The following HS6ST3 variants were observed in gnomAD, a reference collection of about 807,000 sequenced individuals.
The protein encoded by HS6ST3 is heparan sulfate 6-O-sulfotransferase 3.
In HS6ST3, 12 loss-of-function variants were observed where a neutral mutation model predicts 36.7. The observed-to-expected ratio is 0.33, with a 90% CI of 0.21 to 0.53. The LOEUF is 0.53. HS6ST3 is among the 20% of genes least tolerant of loss of function. HS6ST3 has a pLI of 0.95. For synonymous variants in HS6ST3, 240 were observed against 257.5 expected (o/e 0.93, Z 0.65); for missense variants, 584 against 640.9 (o/e 0.91, Z 0.96).
At chr13:96,183,974 G>A (rs1314767995) in intron 1 of HS6ST3, among the ~76,000 whole-genome samples, 2 of 152,192 alleles carry the variant, frequency 1.3e-5, no homozygotes, top group East Asian at 1.9e-4. Flanking sequence ...AGGCTGAGGT[G>A]GGCGGATCAT....
rs117373311 is a variant in HS6ST3 at position 96,634,984 on chromosome 13, A to G, written c.708-197506A>G. Among the ~76,000 whole-genome samples, 452 of 152,200 alleles carry G rather than the reference A, an allele frequency of 3.0e-3. 2 individuals are homozygous for G. The highest frequency in any genetic ancestry group is 4.0e-3 in the Admixed American group (61 of 15,286). On this transcript the variant is annotated intron_variant, in intron 1 of 1. Transcript: ENST00000376705. ...TTCAAGCCACTCACTTCCCATGTCT[A>G]ACCAAGGACAATGTCATTCCCATTC...
chr13:96,542,705 C>T (rs1013598774), intron 1 of HS6ST3, among the ~76,000 whole-genome samples: 2 of 152,178 alleles, frequency 1.3e-5, no homozygotes, highest in African/African-American at 4.8e-5. Context: ...CCTTTTGCTG[C>T]TCACATGACC....
At chr13:96,360,758 C>A (rs574538892) in intron 1 of HS6ST3, among the ~76,000 whole-genome samples, 1 of 151,766 alleles carries the variant, frequency 6.6e-6, no homozygotes, top group African/African-American at 2.4e-5. Context: ...ACCAGCCAGG[C>A]CAACATGGTG....
chr13:96,780,897 A>ATT (rs1566452157), intron 1 of HS6ST3, among the ~76,000 whole-genome samples: 1 of 151,806 alleles, frequency 6.6e-6, no homozygotes, highest in East Asian at 1.9e-4. Context: ...GCCCAATCAA[A>ATT]CAGCAGCAGC....
At chr13:96,100,053 T>G (rs1177726950) in intron 1 of HS6ST3, among the ~76,000 whole-genome samples, 2 of 151,984 alleles carry the variant, frequency 1.3e-5, no homozygotes, top group African/African-American at 4.8e-5. Context: ...AAGTGTAAAT[T>G]GGAAGAATGA....
At chr13:96,102,454 C>G (rs1226418494) in intron 1 of HS6ST3, among the ~76,000 whole-genome samples, 1 of 151,922 alleles carries the variant, frequency 6.6e-6, no homozygotes, top group Admixed American at 6.6e-5. Context: ...TGCACTCCAG[C>G]CTGGGTAACA....
At chr13:96,519,443 A>C (rs1175723930) in intron 1 of HS6ST3, among the ~76,000 whole-genome samples, 1 of 152,204 alleles carries the variant, frequency 6.6e-6, no homozygotes, top group Non-Finnish European at 1.5e-5. Flanking sequence ...ATGTGTGTTA[A>C]CCTACCACTG....
chr13:96,104,973 A>G (rs903704073), intron 1 of HS6ST3, among the ~76,000 whole-genome samples: 3 of 151,926 alleles, frequency 2.0e-5, no homozygotes, highest in African/African-American at 4.8e-5. Flanking sequence ...TAAAACAGTT[A>G]TCAAGATTGG....
intron 1 of HS6ST3, among the ~76,000 whole-genome samples, chr13:96,740,573 C>T (rs897275675): frequency 6.6e-6 from 1 of 152,050 alleles, no homozygotes; most frequent in Non-Finnish European, 1.5e-5. Context: ...CCTTCCATGC[C>T]TATTTGGGTT....
intron 1 of HS6ST3, among the ~76,000 whole-genome samples, chr13:96,158,652 CAAAAA>C (rs397954592): frequency 2.9e-5 from 2 of 68,898 alleles, no homozygotes; most frequent in African/African-American, 6.4e-5. Flanking sequence ...GACTCCGTCT[CAAAAA>C]AAAAAAAAAA....
intron 1 of HS6ST3, among the ~76,000 whole-genome samples, chr13:96,804,840 AG>A (rs1476129755): frequency 6.6e-6 from 1 of 152,194 alleles, no homozygotes; most frequent in Non-Finnish European, 1.5e-5. Context: ...TTTAGAACAC[AG>A]GAATTGTTCC....
At chr13:96,718,481 CA>C (rs1364749200) in intron 1 of HS6ST3, among the ~76,000 whole-genome samples, 2 of 151,922 alleles carry the variant, frequency 1.3e-5, no homozygotes, top group Admixed American at 1.3e-4. Context: ...GAGCCAACAA[CA>C]AAAAGGGCAA....
intron 1 of HS6ST3, among the ~76,000 whole-genome samples, chr13:96,779,763 T>A (rs1235391069): frequency 2.6e-5 from 3 of 117,506 alleles, no homozygotes; most frequent in African/African-American, 1.2e-4. Flanking sequence ...AGCATGTATA[T>A]TTACTTAAAA....
chr13:96,315,208 A>C (rs972600771), intron 1 of HS6ST3, among the ~76,000 whole-genome samples: 4 of 152,308 alleles, frequency 2.6e-5, no homozygotes, highest in African/African-American at 9.6e-5. Flanking sequence ...TGGTTGGTTC[A>C]GACATATTTC....
chr13:96,284,331 C>A (rs2139395357), intron 1 of HS6ST3, among the ~76,000 whole-genome samples: 1 of 152,236 alleles, frequency 6.6e-6, no homozygotes, highest in South Asian at 2.1e-4. Context: ...GAAGCCAGTC[C>A]AAGTCCCAAA....
At chr13:96,478,508 T>C (rs2055874991) in intron 1 of HS6ST3, among the ~76,000 whole-genome samples, 15 of 152,124 alleles carry the variant, frequency 9.9e-5, no homozygotes, top group Admixed American at 9.8e-4. Context: ...TAGAGTTCCA[T>C]AGTCTCATCT....
At chr13:96,573,692 C>CA (rs2056309561) in intron 1 of HS6ST3, 1 of 290,740 alleles carries the variant, frequency 3.4e-6, no homozygotes. Flanking sequence ...GCAAGAAGCC[C>CA]AAATTATCTG....
intron 1 of HS6ST3, among the ~76,000 whole-genome samples, chr13:96,479,818 A>G (rs1364244372): frequency 6.6e-6 from 1 of 152,198 alleles, no homozygotes; most frequent in African/African-American, 2.4e-5. Flanking sequence ...CTACATGCTT[A>G]GCAATGCAGT....
chr13:96,381,690 T>C (rs2055342388), intron 1 of HS6ST3, among the ~76,000 whole-genome samples: 1 of 152,200 alleles, frequency 6.6e-6, no homozygotes, highest in Non-Finnish European at 1.5e-5. Context: ...GAGGTCTGGA[T>C]AGCTGTGGCT....
Sources: gnomAD v4.1 joint callset for allele counts (sites outside exome capture counted in the v4.1 genomes callset) on GRCh38, gnomAD v4.1.1 for gene constraint, MANE v1.5 for transcripts, NCBI Gene and HGNC (gene_info 2026-07-23, HGNC 2026-07-21) for gene names.